VPS13B: variants seen among roughly 807,000 people sequenced by gnomAD.
The protein encoded by VPS13B is vacuolar protein sorting 13 homolog B, also known as intermembrane lipid transfer protein VPS13B.
Under a neutral mutation model 426.4 loss-of-function variants are expected in VPS13B, and 285 were observed. The observed-to-expected ratio is 0.67, with a 90% CI of 0.61 to 0.74. The LOEUF (loss-of-function observed/expected upper bound fraction) is 0.74, where lower values mean the gene tolerates loss of function less well. Among genes scored for constraint, VPS13B ranks in the 30% least tolerant of loss-of-function variants. The pLI is 0.00. For missense variants in VPS13B, 4,537 were observed against 4,782.6 expected, an observed-to-expected ratio of 0.95 and a Z score of 1.51; for synonymous variants, 1,676 against 1,676.4, an observed-to-expected ratio of 1.00 and a Z score of 0.01.
chr8:99,045,071 A>G (rs906541145), intron 3 of VPS13B, among the ~76,000 whole-genome samples: 7 of 152,184 alleles, frequency 4.6e-5, no homozygotes, highest in Non-Finnish European at 1.0e-4. Context: ...GTAGATACCC[A>G]GTAGTGGGAT....
rs142248228 is a variant in VPS13B at position 99,699,894 on chromosome 8, A to G, written c.6416A>G (p.Asn2139Ser). 1,467 of 1,613,936 alleles carry G rather than the reference A, an allele frequency of 9.1e-4. 2 individuals carry two copies. Among genetic ancestry groups the G allele is most frequent in the South Asian group, 1.7e-3 (159 of 91,030 alleles). ...PCLLASLSNLNGSLSVKATQK... is the reference protein window; with the variant it reads ...PCLLASLSNLSGSLSVKATQK... ...CTGTTAGCATCTCTCTCAAACCTCA[A>G]TGGAAGCCTTAGTGTCAAGGCAACA... Residue 2139 changes from asparagine (N) to serine (S), a missense_variant, in exon 36 of 62, where the codon AAT becomes AGT. Asn to Ser is a conservative substitution (Grantham distance 46). This residue lies in a region of VPS13B where 4,311 missense variants were observed against 4,474.3 expected (regional missense o/e 0.96). Coordinates refer to ENST00000357162, the MANE Select transcript of VPS13B (RefSeq NM_152564.5).
chr8:99,858,193 G>A (rs1295645759), intron 56 of VPS13B, among the ~76,000 whole-genome samples: 11 of 152,188 alleles, frequency 7.2e-5, no homozygotes, highest in African/African-American at 1.2e-4. Flanking sequence ...GTGGCTTCCC[G>A]GAGAAAGCTG....
At chr8:99,559,495 G>A (rs1383152980) in intron 31 of VPS13B, among the ~76,000 whole-genome samples, 1 of 152,138 alleles carries the variant, frequency 6.6e-6, no homozygotes, top group Non-Finnish European at 1.5e-5. Flanking sequence ...CCTGTGTCCT[G>A]AATGGTATTG....
Position 99,575,585 on chromosome 8 carries a change from A to T in VPS13B, c.4950-73A>T, listed in dbSNP as rs572269249. On this transcript the variant is annotated intron_variant, in intron 31 of 61. Coordinates refer to ENST00000357162, the MANE Select transcript of VPS13B (RefSeq NM_152564.5). ...TGCCATACATGTTTGTAGTACAAAG[A>T]CTTGTACAAATTTAATGAAAATTGT... 5.6e-5 allele frequency: 88 copies of T among 1,580,846 alleles called. No individual in the cohort carries two copies. The African/African-American group carries it at 9.6e-4, about 17-fold the overall frequency.
chr8:99,616,124 G>A (rs1563826566), intron 33 of VPS13B, among the ~76,000 whole-genome samples: 2 of 152,176 alleles, frequency 1.3e-5, no homozygotes, highest in East Asian at 3.9e-4. Context: ...TAAAACTGCT[G>A]TATTCTTTTA....
At chr8:99,322,836 G>A (rs1810050787) in intron 19 of VPS13B, among the ~76,000 whole-genome samples, 1 of 152,200 alleles carries the variant, frequency 6.6e-6, no homozygotes, top group Non-Finnish European at 1.5e-5. Context: ...GGAAAACAAA[G>A]TATAGTTCTT....
intron 39 of VPS13B, among the ~76,000 whole-genome samples, chr8:99,738,224 T>G (rs1833925129): frequency 6.6e-6 from 1 of 152,268 alleles, no homozygotes; most frequent in South Asian, 2.1e-4. Context: ...TAAACCATTT[T>G]TCAAAAATGA....
At chr8:99,296,251 A>G (rs1820036078) in intron 19 of VPS13B, among the ~76,000 whole-genome samples, 1 of 152,164 alleles carries the variant, frequency 6.6e-6, no homozygotes, top group Admixed American at 6.5e-5. Flanking sequence ...TGTACATATA[A>G]TTTCTGTGCC....
At chr8:99,413,140 C>T (rs1763973532) in intron 21 of VPS13B, among the ~76,000 whole-genome samples, 1 of 152,096 alleles carries the variant, frequency 6.6e-6, no homozygotes, top group South Asian at 2.1e-4. Context: ...ATAGTACCAG[C>T]TCCTCTTTGT....
chr8:99,736,427 A>T lies in VPS13B; in HGVS notation c.7050+15380A>T, dbSNP rs117071548. The stretch of plus-strand genomic sequence containing the variant: ...GTCTCTACTAAAAATATGAAAAGTT[A>T]GCTGGGTGTGGTGGCACGTGCCTGT... On this transcript the variant is annotated intron_variant, in intron 39 of 61. Coordinates refer to ENST00000357162, the MANE Select transcript of VPS13B (RefSeq NM_152564.5). Among the ~76,000 whole-genome samples the T allele has an allele frequency of 1.8e-3, 277 of 152,246 alleles. 6 individuals are homozygous for T. The East Asian group carries it at 0.027, about 15-fold the overall frequency.
At chr8:99,389,882 T>C (rs1814328017) in intron 20 of VPS13B, among the ~76,000 whole-genome samples, 1 of 152,124 alleles carries the variant, frequency 6.6e-6, no homozygotes, top group Non-Finnish European at 1.5e-5. Context: ...TATTAGAGTA[T>C]AAGAGGTTTT....
At chr8:99,630,837 G>A (rs746200901) in intron 33 of VPS13B, among the ~76,000 whole-genome samples, 22 of 152,154 alleles carry the variant, frequency 1.4e-4, no homozygotes, top group Middle Eastern at 3.4e-3. Flanking sequence ...ATTAACTAAG[G>A]AACTCTTGCA....
In VPS13B at chr8:99,405,867, C is replaced by T. The variant is rs79019264; in HGVS notation, c.3082+14163C>T. Among the ~76,000 whole-genome samples the T allele has an allele frequency of 3.3e-4, 50 of 151,924 alleles. No homozygotes were observed. In the East Asian group the frequency reaches 8.7e-3, roughly 26 times the overall value. On this transcript the variant is annotated intron_variant, in intron 21 of 61. Coordinates refer to ENST00000357162, the MANE Select transcript of VPS13B (RefSeq NM_152564.5). Reference sequence around the variant, plus strand: ...GATCTTGGCTCACTGCAACTTCCCACCTCCCAGTTTCAAGCGATTCTCCTG... The same window carrying T: ...GATCTTGGCTCACTGCAACTTCCCATCTCCCAGTTTCAAGCGATTCTCCTG...
intron 19 of VPS13B, among the ~76,000 whole-genome samples, chr8:99,279,053 A>T (rs1250662956): frequency 1.3e-5 from 2 of 152,150 alleles, no homozygotes; most frequent in Non-Finnish European, 2.9e-5. Flanking sequence ...GCACTTGGTG[A>T]CTATAACTGA....
intron 23 of VPS13B, among the ~76,000 whole-genome samples, chr8:99,460,569 A>T (rs1818770294): frequency 6.6e-6 from 1 of 152,180 alleles, no homozygotes; most frequent in Non-Finnish European, 1.5e-5. Flanking sequence ...TTCTTTCTGT[A>T]CATTGGAGTT....
chr8:99,627,811 C>T (rs962267511), intron 33 of VPS13B, among the ~76,000 whole-genome samples: 2 of 152,206 alleles, frequency 1.3e-5, no homozygotes, highest in African/African-American at 2.4e-5. Flanking sequence ...TGACCTGTAG[C>T]ATGGGCTGTG....
intron 3 of VPS13B, among the ~76,000 whole-genome samples, chr8:99,053,877 A>G (rs2132274240): frequency 6.6e-6 from 1 of 151,596 alleles, no homozygotes; most frequent in South Asian, 2.1e-4. Flanking sequence ...TAATTTTTAT[A>G]TTTTTTAGTA....
chr8:99,744,397 T>G (rs1280864714), intron 39 of VPS13B, among the ~76,000 whole-genome samples: 1 of 152,174 alleles, frequency 6.6e-6, no homozygotes, highest in African/African-American at 2.4e-5. Context: ...TCAACCATTG[T>G]GGAAGTCAAT....
At position 99,631,203 on chromosome 8, in the gene VPS13B, A is replaced by G. The variant is rs143831314; in HGVS notation, c.5221-10608A>G. 8.1e-4 allele frequency among the ~76,000 whole-genome samples: 124 copies of G among 152,164 alleles called. 2 individuals are homozygous for G. Among genetic ancestry groups the G allele is most frequent in the African/African-American group, 2.6e-3 (109 of 41,548 alleles). On this transcript the variant is annotated intron_variant, in intron 33 of 61. Coordinates refer to ENST00000357162, the MANE Select transcript of VPS13B (RefSeq NM_152564.5). ...TGTCTGTCTTGTTGTTCCAGGTCCA[A>G]AATTTCTTCCCAAGAATTTGTGTCT...
Sources: allele counts gnomAD v4.1 joint callset (sites outside exome capture counted in the v4.1 genomes callset), GRCh38; gene constraint gnomAD v4.1.1; regional missense constraint gnomAD v4.1.1; transcripts MANE v1.5; gene names NCBI Gene and HGNC (gene_info 2026-07-23, HGNC 2026-07-21).